The following SOS1 variants were observed in gnomAD, a reference collection of about 807,000 sequenced individuals.
SOS1 encodes son of sevenless homolog 1.
Under a neutral mutation model 157.6 loss-of-function variants are expected in SOS1, and 25 were observed. The ratio of observed to expected loss-of-function variants is 0.16; its 90% confidence interval spans 0.12 to 0.22. SOS1 has a LOEUF of 0.22. SOS1 is among the 10% of genes least tolerant of loss of function. The probability of loss-of-function intolerance (pLI) is 1.00; values close to 1 mark genes in which losing one functional copy is unlikely to be tolerated. For synonymous variants in SOS1, 528 were observed against 534.0 expected, an observed-to-expected ratio of 0.99 and a Z score of 0.16; for missense variants, 1,237 against 1,599.1, an observed-to-expected ratio of 0.77 and a Z score of 3.86.
At chr2:39,095,065 A>T (rs982949429) in intron 1 of SOS1, among the ~76,000 whole-genome samples, 1 of 152,218 alleles carries the variant, frequency 6.6e-6, no homozygotes, top group Admixed American at 6.5e-5. Context: ...CTCAGCTACC[A>T]TAACAGCCAC....
Position 39,051,275 on chromosome 2 carries a change from T to C in SOS1, c.733A>G (p.Ile245Val), listed in dbSNP as rs763459953. 1 of 1,611,318 alleles carries C rather than the reference T, an allele frequency of 6.2e-7. No homozygotes were observed. Among genetic ancestry groups the C allele is most frequent in the Non-Finnish European group, 8.5e-7 (1 of 1,177,622 alleles). Residue 245 changes from isoleucine to valine, a missense_variant, in exon 6 of 23, where the codon ATA becomes GTA. Coordinates refer to ENST00000402219, the MANE Select transcript of SOS1 (RefSeq NM_005633.4). ...KLFSANDVEN[I>V]FSRIVDIHEL... ...TGTATATCTACTATGCGACTAAATA[T>C]ATTTTCTACATCCTGTTTGGGGGAA...
At chr2:39,092,728 G>T (rs889659531) in intron 1 of SOS1, among the ~76,000 whole-genome samples, 3 of 151,996 alleles carry the variant, frequency 2.0e-5, no homozygotes, top group Non-Finnish European at 4.4e-5. Flanking sequence ...TATAATTCAA[G>T]AAAAAGCAAC....
Position 39,051,286 on chromosome 2 carries a change from T to A in SOS1, c.722A>T (p.Asp241Val). Residue 241 changes from aspartate (D) to valine (V), a missense_variant and splice_region_variant, in exon 6 of 23, where the codon GAT becomes GTT. This residue lies in a region of SOS1 where 108 missense variants were observed against 115.3 expected (regional missense o/e 0.94). Coordinates refer to ENST00000402219, the MANE Select transcript of SOS1 (RefSeq NM_005633.4). ...VSNSKLFSAN[D>V]VENIFSRIVD... ...TATGCGACTAAATATATTTTCTACA[T>A]CCTGTTTGGGGGAAAACACATTAAT... 6.2e-7 allele frequency: 1 copy of A among 1,610,874 alleles called. No homozygotes were observed. Among genetic ancestry groups the A allele is most frequent in the Non-Finnish European group, 8.5e-7 (1 of 1,177,400 alleles).
chr2:39,068,171 G>C (rs1671657253), intron 1 of SOS1, among the ~76,000 whole-genome samples: 1 of 152,146 alleles, frequency 6.6e-6, no homozygotes, highest in Non-Finnish European at 1.5e-5. Context: ...TGCAAATACA[G>C]ATTTGAATGA....
At chr2:39,121,556 T>C (rs1324603088), upstream of SOS1, among the ~76,000 whole-genome samples, 1 of 152,228 alleles carries the variant, frequency 6.6e-6, no homozygotes, top group East Asian at 1.9e-4. Context: ...GTGAATGTTT[T>C]AGATTCCCTC....
At chr2:39,035,993 A>G (rs1292916966) in intron 6 of SOS1, among the ~76,000 whole-genome samples, 1 of 152,190 alleles carries the variant, frequency 6.6e-6, no homozygotes, top group African/African-American at 2.4e-5. Flanking sequence ...TCACAAAACA[A>G]TTAAACAAAA....
At chr2:39,011,172 C>T (rs555639126) in intron 14 of SOS1, among the ~76,000 whole-genome samples, 11 of 152,160 alleles carry the variant, frequency 7.2e-5, no homozygotes, top group Non-Finnish European at 1.5e-4. Flanking sequence ...GCTGGGATTA[C>T]AGGAGTGAGC....
chr2:39,016,269 A>G (rs1010768588), intron 10 of SOS1, among the ~76,000 whole-genome samples: 15 of 152,088 alleles, frequency 9.9e-5, no homozygotes, highest in African/African-American at 3.6e-4. Flanking sequence ...ATAAAAATAC[A>G]TTGGTTTTAA....
chr2:39,055,456 C>T (rs1328540052), intron 4 of SOS1, among the ~76,000 whole-genome samples: 1 of 152,106 alleles, frequency 6.6e-6, no homozygotes, highest in East Asian at 1.9e-4. Flanking sequence ...TGCATCTCCT[C>T]TCTGTGTAAA....
At chr2:39,116,623 A>G (rs1572904210) in intron 1 of SOS1, among the ~76,000 whole-genome samples, 1 of 152,230 alleles carries the variant, frequency 6.6e-6, no homozygotes, top group African/African-American at 2.4e-5. Flanking sequence ...TAATCCTAGC[A>G]CTTTGGGAAG....
intron 17 of SOS1, among the ~76,000 whole-genome samples, chr2:39,004,294 C>T (rs1260098260): frequency 6.7e-6 from 1 of 150,218 alleles, no homozygotes; most frequent in Non-Finnish European, 1.5e-5. Flanking sequence ...TGGTGGGCGC[C>T]TGTAGTCCCA....
rs116734586 is a variant in SOS1 at position 39,050,989 on chromosome 2, T to C, written c.864+155A>G. Among the ~76,000 whole-genome samples the C allele has an allele frequency of 2.6e-3, 389 of 152,262 alleles. 2 individuals are homozygous for C. The highest frequency in any genetic ancestry group is 9.0e-3 in the African/African-American group (375 of 41,558). ...TCTGTTTGCTAAGATAACAGAAACA[T>C]ATGTTGACAATGACCCTATGAAAAA... On this transcript the variant is annotated intron_variant, in intron 6 of 22. Transcript: ENST00000402219.
In SOS1 at chr2:39,022,738, C is replaced by G; in HGVS notation, c.1690G>C (p.Glu564Gln). 1 of 1,613,802 alleles carries G rather than the reference C, an allele frequency of 6.2e-7. No individual in the cohort carries two copies. ...LDVTMLQEEK[E>Q]EQMRLPSADV... Reference sequence around the variant, plus strand: ...GCACTAGGCAGCCTCATCTGCTCCTCTTTCTCTTCCTGTAGCATTGTTACA... The same window carrying G: ...GCACTAGGCAGCCTCATCTGCTCCTGTTTCTCTTCCTGTAGCATTGTTACA... The change falls in exon 10 of 23, where the codon GAG (glutamate) becomes CAG (glutamine). Residue 564 changes from glutamate (E) to glutamine (Q), a missense_variant. Transcript: ENST00000402219.
At chr2:39,048,111 T>A (rs1670858085) in intron 6 of SOS1, among the ~76,000 whole-genome samples, 1 of 152,222 alleles carries the variant, frequency 6.6e-6, no homozygotes, top group Non-Finnish European at 1.5e-5. Flanking sequence ...TGAAGTCCAG[T>A]TTATCAATTT....
At chr2:39,016,945 C>T (rs1669650098) in intron 10 of SOS1, among the ~76,000 whole-genome samples, 1 of 152,032 alleles carries the variant, frequency 6.6e-6, no homozygotes, top group African/African-American at 2.4e-5. Context: ...CTTCTTAAGC[C>T]AAAACTTCTG....
chr2:39,047,492 G>C (rs971752833), intron 6 of SOS1, among the ~76,000 whole-genome samples: 8 of 152,180 alleles, frequency 5.3e-5, no homozygotes, highest in African/African-American at 1.9e-4. Flanking sequence ...CCAGCAAGTA[G>C]ACTTCCAACT....
intron 17 of SOS1, among the ~76,000 whole-genome samples, chr2:38,999,971 G>A (rs1006123815): frequency 3.9e-5 from 6 of 152,216 alleles, no homozygotes; most frequent in African/African-American, 1.4e-4. Context: ...ATGAAGAGCA[G>A]TTAGTAGGCT....
intron 6 of SOS1, among the ~76,000 whole-genome samples, chr2:39,037,582 G>A (rs62144358): frequency 6.7e-6 from 1 of 150,358 alleles, no homozygotes; most frequent in South Asian, 2.1e-4. Flanking sequence ...TTCACTTTAT[G>A]GTGCTTCACT....
chr2:39,075,672 TA>T (rs1168907100), intron 1 of SOS1, among the ~76,000 whole-genome samples: 1 of 151,066 alleles, frequency 6.6e-6, no homozygotes, highest in Non-Finnish European at 1.5e-5. Flanking sequence ...ATTAAAAAAA[TA>T]AAAAACAAAG....
Sources: allele counts gnomAD v4.1 joint callset (sites outside exome capture counted in the v4.1 genomes callset), GRCh38; gene constraint gnomAD v4.1.1; regional missense constraint gnomAD v4.1.1; transcripts MANE v1.5; gene names NCBI Gene and HGNC (gene_info 2026-07-23, HGNC 2026-07-21).